Variants in CBLN4 observed in about 807,000 individuals in gnomAD.
CBLN4 encodes the protein cerebellin 4 precursor.
Under a neutral mutation model 14.9 loss-of-function variants are expected in CBLN4, and 7 were observed. The observed-to-expected ratio is 0.47, with a 90% CI of 0.27 to 0.88. The LOEUF (loss-of-function observed/expected upper bound fraction) is 0.88, where lower values mean the gene tolerates loss of function less well. Ranked by LOEUF, CBLN4 falls within the 40% of genes least tolerant of loss-of-function variation. CBLN4 has a pLI of 0.14. For missense variants in CBLN4, 188 were observed against 256.8 expected (o/e 0.73, Z 1.83); for synonymous variants, 131 against 116.5 (o/e 1.12, Z -0.80).
rs772893613 is a variant in CBLN4 at position 56,004,029 on chromosome 20, G to A, written c.143C>T (p.Pro48Leu). The A allele has an allele frequency of 6.2e-6, 10 of 1,613,886 alleles. No homozygotes were observed. Among genetic ancestry groups the A allele is most frequent in the Admixed American group, 3.3e-5 (2 of 59,998 alleles). The change falls in exon 1 of 3, where the codon CCG (proline) becomes CTG (leucine). Residue 48 changes from proline to leucine, a missense_variant. By Grantham distance (98) the Pro-to-Leu change is moderately conservative (BLOSUM62 -3). This residue lies in a region of CBLN4 where 95 missense variants were observed against 99.2 expected (regional missense o/e 0.96). Transcript: ENST00000064571. This position sits in a 1 kb window ranked among gnomAD's most constrained non-coding sequence, Gnocchi z 6.1. ...AGAGGAGCCCTTGGAGTCCGTGGCC[G>A]GGTTCGAGTCGCACACCACCAGACA... Reference protein sequence around the residue: ...GKCLVVCDSNPATDSKGSSSS... With the variant: ...GKCLVVCDSNLATDSKGSSSS...
intron 2 of CBLN4, among the ~76,000 whole-genome samples, chr20:55,999,192 C>G (rs1414402076): frequency 1.3e-5 from 2 of 152,194 alleles, no homozygotes; most frequent in Non-Finnish European, 2.9e-5. Context: ...CTACCAACAT[C>G]CTTGCGAATT....
At chr20:56,000,453 T>C (rs1024454042) in intron 2 of CBLN4, among the ~76,000 whole-genome samples, 1 of 152,236 alleles carries the variant, frequency 6.6e-6, no homozygotes, top group Non-Finnish European at 1.5e-5. Context: ...AAGAGATTTG[T>C]GTCACTGAAT....
intron 2 of CBLN4, among the ~76,000 whole-genome samples, chr20:55,999,376 G>C (rs1299415785): frequency 6.6e-6 from 1 of 152,126 alleles, no homozygotes; most frequent in Admixed American, 6.5e-5. Flanking sequence ...CAACACTTTG[G>C]GAGACCAAGG....
intron 2 of CBLN4, among the ~76,000 whole-genome samples, chr20:55,998,959 T>C (rs1444853259): frequency 6.6e-6 from 1 of 152,184 alleles, no homozygotes; most frequent in Non-Finnish European, 1.5e-5. Context: ...TTTTTTCTGA[T>C]TGGAATTTCC....
intron 2 of CBLN4, among the ~76,000 whole-genome samples, chr20:56,000,142 A>C (rs965080941): frequency 1.3e-5 from 2 of 152,252 alleles, no homozygotes; most frequent in Non-Finnish European, 2.9e-5. Context: ...TTGTCTTAGA[A>C]AGCAGAACAC....
intron 1 of CBLN4, among the ~76,000 whole-genome samples, chr20:56,001,772 T>C (rs1986377556): frequency 6.6e-6 from 1 of 152,228 alleles, no homozygotes; most frequent in African/African-American, 2.4e-5. Flanking sequence ...AGCCTAGTTC[T>C]ATTGGTTATA....
intron 2 of CBLN4, 113 bp downstream of exon 2, chr20:56,000,618 G>A: frequency 2.1e-6 from 1 of 484,218 alleles, no homozygotes. Context: ...GATAAAGATG[G>A]CTGCTTATTT....
Position 55,998,467 on chromosome 20 carries a change from G to T in CBLN4, c.*90C>A. On this transcript the variant is annotated 3_prime_UTR_variant, in exon 3 of 3. Coordinates refer to ENST00000064571, the MANE Select transcript of CBLN4 (RefSeq NM_080617.6). ...ATCCACCCATGAGAAACCAATAAAA[G>T]ACATCAATCCAATGATGAAAAAATG... The T allele has an allele frequency of 7.1e-7, 1 of 1,417,308 alleles. No individual in the cohort carries two copies. The highest frequency in any genetic ancestry group is 1.3e-5 in the South Asian group (1 of 80,000). The allele number at this position is 1,417,308 out of a possible 1,614,324, so 87.8% of individuals were successfully genotyped here.
At chr20:56,003,775 A>T in intron 1 of CBLN4, 106 bp downstream of exon 1, 1 of 1,200,650 alleles carries the variant, frequency 8.3e-7, no homozygotes, top group South Asian at 1.5e-5. Flanking sequence ...GCTTTACATG[A>T]TTCCCCATTT....
rs756365184 is a variant in CBLN4 at position 55,998,536 on chromosome 20, A to G, written c.*21T>C. Reference sequence around the variant, plus strand: ...AGTGGGTCATCCCTCACCTGGATGAACATCATGGAGAAATTGAATCCTATA... The same window carrying G: ...AGTGGGTCATCCCTCACCTGGATGAGCATCATGGAGAAATTGAATCCTATA... On this transcript the variant is annotated 3_prime_UTR_variant, in exon 3 of 3. Coordinates refer to ENST00000064571, the MANE Select transcript of CBLN4 (RefSeq NM_080617.6). The G allele has an allele frequency of 1.9e-6, 3 of 1,613,540 alleles. No individual in the cohort carries two copies. The highest frequency in any genetic ancestry group is 1.3e-5 in the African/African-American group (1 of 74,920).
intron 2 of CBLN4, among the ~76,000 whole-genome samples, chr20:55,999,079 C>T (rs2145957977): frequency 6.6e-6 from 1 of 152,156 alleles, no homozygotes; most frequent in East Asian, 1.9e-4. Flanking sequence ...CTCTTCCACC[C>T]AACAATAATC....
chr20:56,002,486 CT>C (rs1254877289), intron 1 of CBLN4, among the ~76,000 whole-genome samples: 3 of 152,210 alleles, frequency 2.0e-5, no homozygotes, highest in Non-Finnish European at 1.5e-5. Context: ...AATGTGTGTT[CT>C]TGTCTCTAAG....
In CBLN4 at chr20:56,000,930, C is replaced by T. The variant is rs183854691; in HGVS notation, c.292-83G>A. 4.9e-4 allele frequency: 274 copies of T among 562,972 alleles called. 3 individuals are homozygous for T. Among genetic ancestry groups the T allele is most frequent in the African/African-American group, 4.5e-3 (231 of 51,174 alleles). 34.9% of individuals were successfully genotyped at this position (562,972 alleles called of 1,614,324 possible). A position where few individuals can be genotyped will look rare whatever the true frequency, so the allele number is the denominator to read the frequency against. On this transcript the variant is annotated intron_variant, in intron 1 of 2. Transcript: ENST00000064571. ...TGAATTTTCTTCCTCTCACTCTCTT[C>T]CTCTCCTCTTCCTTCTTTCCCTCCT...
At chr20:56,000,109 T>C (rs1027387849) in intron 2 of CBLN4, among the ~76,000 whole-genome samples, 2 of 152,242 alleles carry the variant, frequency 1.3e-5, no homozygotes, top group Non-Finnish European at 2.9e-5. Flanking sequence ...CCACTGTTGC[T>C]TTTGAATGTA....
intron 1 of CBLN4, 21 bp from the exon 2 acceptor site, chr20:56,000,868 TAACAA>T: frequency 1.6e-6 from 2 of 1,266,406 alleles, no homozygotes; most frequent in Non-Finnish European, 2.2e-6. Context: ...AAATAATAAA[TAACAA>T]TAAGTTATTA....
At chr20:56,002,687 A>G (rs1188231141) in intron 1 of CBLN4, among the ~76,000 whole-genome samples, 1 of 152,268 alleles carries the variant, frequency 6.6e-6, no homozygotes, top group Non-Finnish European at 1.5e-5. Flanking sequence ...ATACTGCACC[A>G]AAACCCCAAA....
Position 55,998,211 on chromosome 20 carries a change from C to A in CBLN4, c.*346G>T. ...CTTTAGAGTTTTCTAATCCTTAGAC[C>A]TGGTTGCCAGTCTTTTAAAACTAAA... is the stretch of plus-strand genomic sequence containing the variant. On this transcript the variant is annotated 3_prime_UTR_variant, in exon 3 of 3. Transcript: ENST00000064571. The A allele has an allele frequency of 7.5e-6, 2 of 265,350 alleles. 1 individual carries two copies. The highest frequency in any genetic ancestry group is 1.2e-4 in the South Asian group (2 of 16,116). 16.4% of individuals were successfully genotyped at this position (265,350 alleles called of 1,614,324 possible).
chr20:56,004,104 A>G lies in CBLN4; in HGVS notation c.68T>C (p.Leu23Pro), dbSNP rs1347961281. The stretch of plus-strand genomic sequence containing the variant: ...CGTGTCGTTCTGTGCCCAGACGGGC[A>G]GCCCCGGCAGCGTGAGGACCAGCAG... Reference protein sequence around the residue: ...AVLLVLTLPGLPVWAQNDTEP... With the variant: ...AVLLVLTLPGPPVWAQNDTEP... Residue 23 changes from leucine (L) to proline (P), a missense_variant, in exon 1 of 3, where the codon CTG becomes CCG. By Grantham distance (98) the Leu-to-Pro change is moderately conservative. Transcript: ENST00000064571. This position sits in a 1 kb window ranked among gnomAD's most constrained non-coding sequence, Gnocchi z 6.1. 3 of 1,606,720 alleles carry G rather than the reference A, an allele frequency of 1.9e-6. No individual in the cohort carries two copies. The highest frequency in any genetic ancestry group is 1.3e-5 in the African/African-American group (1 of 74,760).
chr20:56,001,273 T>A (rs949980522), intron 1 of CBLN4, among the ~76,000 whole-genome samples: 1 of 152,238 alleles, frequency 6.6e-6, no homozygotes, highest in African/African-American at 2.4e-5. Flanking sequence ...GCACCCGCTA[T>A]GTGTTTACAT....
Sources: gnomAD v4.1 joint callset for allele counts (sites outside exome capture counted in the v4.1 genomes callset) on GRCh38, gnomAD v4.1.1 for gene constraint, gnomAD v4.1.1 regional missense constraint, Gnocchi (gnomAD v3.1) non-coding constraint, MANE v1.5 for transcripts, NCBI Gene and HGNC (gene_info 2026-07-23, HGNC 2026-07-21) for gene names.